Variants in C21orf58 observed in about 807,000 individuals in gnomAD.
C21orf58 encodes uncharacterized protein C21orf58.
A neutral mutation model predicts 35.8 loss-of-function variants in C21orf58; 34 were observed. That is an observed-to-expected ratio of 0.95 (90% CI 0.72 to 1.26). The LOEUF (loss-of-function observed/expected upper bound fraction) is 1.26. Among genes scored for constraint, C21orf58 ranks in the 50% most tolerant of loss-of-function variants. The pLI is 0.00. For synonymous variants in C21orf58, 191 were observed against 175.8 expected, an observed-to-expected ratio of 1.09 and a Z score of -0.68; for missense variants, 440 against 414.3, an observed-to-expected ratio of 1.06 and a Z score of -0.54.
intron 1 of C21orf58, among the ~76,000 whole-genome samples, chr21:46,322,085 T>TC (rs1601714308): frequency 1.3e-5 from 2 of 151,988 alleles, no homozygotes; most frequent in Non-Finnish European, 2.9e-5. Flanking sequence ...GCCCAGGAGT[T>TC]CAAGACCAGC....
In C21orf58 at chr21:46,322,968, G is replaced by A; in HGVS notation, c.-230C>T. 1 of 281,470 alleles carries A rather than the reference G, an allele frequency of 3.6e-6. No individual in the cohort carries two copies. The highest frequency in any genetic ancestry group is 5.7e-6 in the Non-Finnish European group (1 of 174,486). The allele number at this position is 281,470 out of a possible 1,614,324, so 17.4% of individuals were successfully genotyped here. ...GAACCTTTTGCAAGTGAAGGCGCACGAACAGGCCCGGAGGACTACAAAGAA... is the reference window on the plus strand; with the variant it reads ...GAACCTTTTGCAAGTGAAGGCGCACAAACAGGCCCGGAGGACTACAAAGAA... On this transcript the variant is annotated 5_prime_UTR_variant, in exon 1 of 8. Transcript: ENST00000291691.
At chr21:46,318,618 G>C in intron 1 of C21orf58, 1 of 1,104,558 alleles carries the variant, frequency 9.1e-7, no homozygotes, top group Non-Finnish European at 1.1e-6. Context: ...GAGCAAGCAG[G>C]GAAGACAGGG....
intron 7 of C21orf58, 75 bp from the exon 8 acceptor site, chr21:46,302,229 TG>T: frequency 7.0e-7 from 1 of 1,431,392 alleles, no homozygotes. Flanking sequence ...TGTTCCTAAC[TG>T]GGGCTGGATC....
chr21:46,303,213 C>T (rs1181964432), intron 6 of C21orf58, among the ~76,000 whole-genome samples: 1 of 152,000 alleles, frequency 6.6e-6, no homozygotes, highest in Admixed American at 6.6e-5. Context: ...GTGGTGCATG[C>T]CTGTAGTCCC....
At chr21:46,312,608 C>T (rs577490540) in intron 5 of C21orf58, among the ~76,000 whole-genome samples, 28 of 152,268 alleles carry the variant, frequency 1.8e-4, no homozygotes, top group African/African-American at 6.5e-4. Context: ...AATGCAGTAG[C>T]GGTTGGCCAC....
Position 46,302,162 on chromosome 21 carries a change from A to G in C21orf58, c.814-8T>C. On this transcript the variant is annotated splice_polypyrimidine_tract_variant and splice_region_variant and intron_variant, in intron 7 of 7. Transcript: ENST00000291691. ...GGGCACATGTGGCGGGTCCTGCCAC[A>G]GACGCACCTGCTGCTTAGGACGCAG... The G allele has an allele frequency of 6.8e-7, 1 of 1,471,038 alleles. No homozygotes were observed. The highest frequency in any genetic ancestry group is 9.0e-7 in the Non-Finnish European group (1 of 1,109,480). 91.1% of individuals were successfully genotyped at this position (1,471,038 alleles called of 1,614,324 possible). A position where few individuals can be genotyped will look rare whatever the true frequency, so the allele number is the denominator to read the frequency against.
downstream of C21orf58, chr21:46,301,003 G>A (rs1371036370): frequency 4.5e-6 from 4 of 892,936 alleles, no homozygotes; most frequent in Non-Finnish European, 4.3e-6. Flanking sequence ...CCACTGCCCA[G>A]CACTCACCTT....
downstream of C21orf58, chr21:46,300,858 G>T: frequency 1.8e-6 from 2 of 1,129,116 alleles, no homozygotes; most frequent in Non-Finnish European, 2.3e-6. Context: ...CATTAAAAGA[G>T]CAAAGAAACA....
At chr21:46,308,176 C>T (rs1277429973) in intron 6 of C21orf58, among the ~76,000 whole-genome samples, 2 of 151,256 alleles carry the variant, frequency 1.3e-5, no homozygotes, top group Non-Finnish European at 2.9e-5. Context: ...TTTTAAGAAA[C>T]TGCTGCCCAG....
intron 3 of C21orf58, 115 bp downstream of exon 3, chr21:46,317,093 G>C: frequency 2.5e-6 from 2 of 806,566 alleles, no homozygotes; most frequent in Non-Finnish European, 4.0e-6. Flanking sequence ...CCGGTACCAG[G>C]AGTGGGGGTG....
At chr21:46,302,625 A>G (rs1219935446) in intron 6 of C21orf58, 49 bp from the exon 7 acceptor site, 3 of 1,457,906 alleles carry the variant, frequency 2.1e-6, no homozygotes, top group East Asian at 2.4e-5. Flanking sequence ...CGTTTTTCCT[A>G]TTTGTTAAAG....
intron 3 of C21orf58, among the ~76,000 whole-genome samples, chr21:46,316,431 G>A (rs957699266): frequency 6.6e-6 from 1 of 152,192 alleles, no homozygotes. Flanking sequence ...ACTCCAGCCT[G>A]GGCAATAGAG....
chr21:46,301,786 C>T lies in C21orf58; in HGVS notation c.*213G>A. 1 of 1,239,542 alleles carries T rather than the reference C, an allele frequency of 8.1e-7. No homozygotes were observed. The highest frequency in any genetic ancestry group is 1.0e-6 in the Non-Finnish European group (1 of 992,328). The allele number at this position is 1,239,542 out of a possible 1,614,324, so 76.8% of individuals were successfully genotyped here. The stretch of plus-strand genomic sequence containing the variant: ...TTCACAGGCCCCTCACTGCAGGGGA[C>T]CCGGAGCAAGGGATGCCCCCTGGAA... On this transcript the variant is annotated 3_prime_UTR_variant, in exon 8 of 8. Transcript: ENST00000291691.
At chr21:46,313,928 C>A (rs570862521) in intron 5 of C21orf58, among the ~76,000 whole-genome samples, 1 of 152,294 alleles carries the variant, frequency 6.6e-6, no homozygotes, top group South Asian at 2.1e-4. Context: ...GCCTTGACCT[C>A]CGGGCCCCCA....
At chr21:46,309,740 T>C (rs2082587866) in intron 6 of C21orf58, among the ~76,000 whole-genome samples, 1 of 152,146 alleles carries the variant, frequency 6.6e-6, no homozygotes, top group Admixed American at 6.6e-5. Flanking sequence ...CCCACGCCTA[T>C]AATCCCAGCA....
intron 6 of C21orf58, among the ~76,000 whole-genome samples, chr21:46,303,705 C>T (rs28803208): frequency 2.7e-5 from 1 of 37,594 alleles, no homozygotes; most frequent in Non-Finnish European, 4.8e-5. Flanking sequence ...CACACACACA[C>T]AAAATATATA....
chr21:46,311,905 A>G (rs886470925), intron 5 of C21orf58, among the ~76,000 whole-genome samples: 1 of 147,296 alleles, frequency 6.8e-6, no homozygotes, highest in Non-Finnish European at 1.5e-5. Context: ...CCAACCAACC[A>G]TTCATCCACC....
At chr21:46,315,584 G>C (rs372981482) in intron 3 of C21orf58, 37 bp from the exon 4 acceptor site, 1 of 1,397,868 alleles carries the variant, frequency 7.2e-7, no homozygotes, top group African/African-American at 1.4e-5. Flanking sequence ...CAAGGAACGC[G>C]TAGAGGCTGT....
At chr21:46,318,562 G>GTGTA in intron 1 of C21orf58, 1 of 1,213,500 alleles carries the variant, frequency 8.2e-7, no homozygotes. Flanking sequence ...CGCCCCACCT[G>GTGTA]TGTACTGCCT....
Sources: gnomAD v4.1 joint callset for allele counts (sites outside exome capture counted in the v4.1 genomes callset) on GRCh38, gnomAD v4.1.1 for gene constraint, MANE v1.5 for transcripts, NCBI Gene and HGNC (gene_info 2026-07-23, HGNC 2026-07-21) for gene names.